Variants in TENT5D observed in about 807,000 individuals in gnomAD.
TENT5D encodes cancer/testis antigen 112.
For synonymous variants in TENT5D, 103 were observed against 100.6 expected (o/e 1.02, Z -0.15); for missense variants, 191 against 287.0 (o/e 0.67, Z 2.42).
chrX:80,438,896 T>C (rs1231500740), intron 2 of TENT5D, among the ~76,000 whole-genome samples, 164 bp downstream of exon 2: 1 of 111,452 alleles, frequency 9.0e-6, no homozygotes, highest in Non-Finnish European at 1.9e-5. Flanking sequence ...TATCCATTCA[T>C]AGTCTTTTGT....
chrX:80,415,559 ATGT>A (rs1303236363), upstream of TENT5D, among the ~76,000 whole-genome samples: 4 of 111,752 alleles, frequency 3.6e-5, no homozygotes, highest in Non-Finnish European at 5.6e-5. Flanking sequence ...TGAGATTTTC[ATGT>A]TGTTGTTGTT....
intron 2 of TENT5D, among the ~76,000 whole-genome samples, chrX:80,337,110 T>C (rs1172728941): frequency 8.9e-6 from 1 of 112,290 alleles, no homozygotes; most frequent in East Asian, 2.8e-4. Context: ...TTCATTCATT[T>C]ATAACTGGTG....
At chrX:80,361,010 A>G (rs910316613) in intron 3 of TENT5D, among the ~76,000 whole-genome samples, 2 of 111,427 alleles carry the variant, frequency 1.8e-5, no homozygotes, top group Non-Finnish European at 3.8e-5. Context: ...ACAATATTTG[A>G]GTCAATGTTA....
Position 80,422,601 on chromosome X carries a change from T to C in TENT5D, c.-142+2038T>C, listed in dbSNP as rs1403102548. On this transcript the variant is annotated intron_variant, in intron 1 of 2. Transcript: ENST00000308293. ...AGTTTTTCTCCTTGATGGGATGGGT[T>C]TGAGGAGAGCAGCAGTTGGTGAGGT... 2.7e-5 allele frequency among the ~76,000 whole-genome samples: 3 copies of C among 111,639 alleles called. No homozygotes were observed. The Admixed American group carries it at 2.9e-4, about 11-fold the overall frequency.
intron 3 of TENT5D, among the ~76,000 whole-genome samples, chrX:80,357,881 C>T (rs749788580): frequency 9.0e-5 from 10 of 111,395 alleles, no homozygotes; most frequent in East Asian, 2.8e-4. Flanking sequence ...AAACGAACAA[C>T]GCTGGAGGCA....
chrX:80,434,481 T>A (rs1487661770), intron 1 of TENT5D, among the ~76,000 whole-genome samples: 1 of 111,858 alleles, frequency 8.9e-6, no homozygotes, highest in Non-Finnish European at 1.9e-5. Flanking sequence ...TTAAGAAGAA[T>A]TAAAAATAAA....
At chrX:80,354,978 T>C (rs1930255433) in intron 3 of TENT5D, among the ~76,000 whole-genome samples, 1 of 111,772 alleles carries the variant, frequency 8.9e-6, no homozygotes, top group Non-Finnish European at 1.9e-5. Context: ...GGGCAAGTGC[T>C]CAGCTCAGCA....
At position 80,345,431 on chromosome X, in the gene TENT5D, G is replaced by A. The variant is rs900896394; in HGVS notation, c.-142+2867G>A. Among the ~76,000 whole-genome samples the A allele has an allele frequency of 5.4e-5, 6 of 111,275 alleles. No homozygotes were observed. In the Admixed American group the frequency reaches 5.8e-4, roughly 11 times the overall value. The stretch of plus-strand genomic sequence containing the variant: ...GTCTTGTAACTGGCAAATTCCTTTT[G>A]GAGTGCAGACTATTTGACCTGAGAC... On this transcript the variant is annotated intron_variant, in intron 3 of 4. Coordinates refer to the TENT5D transcript ENST00000538312.
At chrX:80,410,115 C>T (rs1931613911) in intron 3 of TENT5D, among the ~76,000 whole-genome samples, 1 of 103,898 alleles carries the variant, frequency 9.6e-6, no homozygotes, top group South Asian at 4.6e-4. Context: ...AAGACTTAAA[C>T]GTTAGACCTA....
chrX:80,400,396 C>T (rs1931370241), intron 3 of TENT5D, among the ~76,000 whole-genome samples: 1 of 111,574 alleles, frequency 9.0e-6, no homozygotes, highest in Admixed American at 9.5e-5. Context: ...CCCAAAATAT[C>T]ACTTTACTGA....
At chrX:80,395,859 C>A (rs1317185614) in intron 3 of TENT5D, among the ~76,000 whole-genome samples, 1 of 104,752 alleles carries the variant, frequency 9.5e-6, no homozygotes, top group Non-Finnish European at 1.9e-5. Context: ...CTTCCCCCTA[C>A]TCTTCCCAGC....
chrX:80,402,772 T>C (rs995670161), intron 3 of TENT5D, among the ~76,000 whole-genome samples: 2 of 112,178 alleles, frequency 1.8e-5, no homozygotes, highest in African/African-American at 3.2e-5. Flanking sequence ...TCAGTGTTCT[T>C]AAACTTGCTA....
At chrX:80,370,736 GT>G (rs771850053) in intron 3 of TENT5D, among the ~76,000 whole-genome samples, 3 of 109,300 alleles carry the variant, frequency 2.7e-5, no homozygotes, top group African/African-American at 6.6e-5. Flanking sequence ...TATCTCATTG[GT>G]TTTTTTTTAG....
In TENT5D at chrX:80,434,150, C is replaced by CAA. The variant is rs5902800; in HGVS notation, c.-141-4451_-141-4450dup. On this transcript the variant is annotated intron_variant, in intron 1 of 2. Transcript: ENST00000308293. Reference sequence around the variant, plus strand: ...AGACTCTGTCTCAAAAAAAACAAAACAAAAAAAAAAGGGAAATGGAGCTAA... The same window carrying CAA: ...AGACTCTGTCTCAAAAAAAACAAAACAAAAAAAAAAAAGGGAAATGGAGCTAA... 9.8e-3 allele frequency among the ~76,000 whole-genome samples: 856 copies of CAA among 87,142 alleles called. 8 individuals are homozygous for CAA. The highest frequency in any genetic ancestry group is 0.014 in the Non-Finnish European group (633 of 45,721). 75.7% of individuals were successfully genotyped at this position (87,142 alleles called of 115,157 possible). A position where few individuals can be genotyped will look rare whatever the true frequency, so the allele number is the denominator to read the frequency against.
intron 3 of TENT5D, among the ~76,000 whole-genome samples, chrX:80,405,348 T>A (rs1190805732): frequency 8.9e-6 from 1 of 112,306 alleles, no homozygotes; most frequent in Admixed American, 9.4e-5. Flanking sequence ...GGTACCGGGT[T>A]CATCTCACTA....
At chrX:80,377,593 C>G (rs768250307) in intron 3 of TENT5D, among the ~76,000 whole-genome samples, 18 of 111,993 alleles carry the variant, frequency 1.6e-4, no homozygotes, top group African/African-American at 5.5e-4. Context: ...GCATAGTGTT[C>G]CATGGTGTAT....
chrX:80,411,623 G>A (rs956998198), intron 3 of TENT5D, among the ~76,000 whole-genome samples: 1 of 110,861 alleles, frequency 9.0e-6, no homozygotes, highest in Non-Finnish European at 1.9e-5. Context: ...CTTTGAATTA[G>A]ACAAAAAGTA....
intron 1 of TENT5D, among the ~76,000 whole-genome samples, chrX:80,432,646 G>A (rs1414250548): frequency 9.0e-6 from 1 of 111,647 alleles, no homozygotes; most frequent in Admixed American, 9.5e-5. Context: ...TTGTATTTTT[G>A]CCAGTGCACC....
At chrX:80,366,750 TTAAA>T (rs1209316138) in intron 3 of TENT5D, among the ~76,000 whole-genome samples, 1 of 111,428 alleles carries the variant, frequency 9.0e-6, no homozygotes, top group Non-Finnish European at 1.9e-5. Flanking sequence ...GTAACAAAGA[TTAAA>T]TAATTTATTC....
Sources: allele counts gnomAD v4.1 joint callset (sites outside exome capture counted in the v4.1 genomes callset), GRCh38; gene constraint gnomAD v4.1.1; transcripts MANE v1.5; gene names NCBI Gene and HGNC (gene_info 2026-07-23, HGNC 2026-07-21).